The following PAPPA variants were observed in gnomAD, a reference collection of about 807,000 sequenced individuals.
PAPPA encodes the protein pappalysin-1.
In PAPPA, 60 loss-of-function variants were observed where a neutral mutation model predicts 164.0. That is an observed-to-expected ratio of 0.37 (90% CI 0.30 to 0.45). The LOEUF is 0.45. PAPPA is among the 20% of genes least tolerant of loss of function. The pLI is 1.00. For missense variants in PAPPA, 1,782 were observed against 2,087.3 expected, an observed-to-expected ratio of 0.85 and a Z score of 2.85; for synonymous variants, 875 against 814.1, an observed-to-expected ratio of 1.07 and a Z score of -1.27.
intron 4 of PAPPA, among the ~76,000 whole-genome samples, chr9:116,214,826 G>C (rs143651140): frequency 3.2e-4 from 48 of 152,216 alleles, no homozygotes; most frequent in Middle Eastern, 3.4e-3. Context: ...ATCTTTCTGT[G>C]TGTCATGGCT....
chr9:116,313,608 A>T (rs532644984), intron 10 of PAPPA, among the ~76,000 whole-genome samples: 1 of 152,130 alleles, frequency 6.6e-6, no homozygotes, highest in Admixed American at 6.5e-5. Flanking sequence ...TTTCAGAGAG[A>T]GCAAAATTGT....
At chr9:116,183,081 T>C (rs895331928) in intron 1 of PAPPA, among the ~76,000 whole-genome samples, 2 of 152,214 alleles carry the variant, frequency 1.3e-5, no homozygotes, top group African/African-American at 2.4e-5. Context: ...CCCACACAGA[T>C]GGTGCTGACT....
chr9:116,301,103 A>T (rs1241046643), intron 9 of PAPPA, among the ~76,000 whole-genome samples: 1 of 151,632 alleles, frequency 6.6e-6, no homozygotes, highest in Non-Finnish European at 1.5e-5. Context: ...CCAGAGCTCC[A>T]CTCTATTATT....
intron 5 of PAPPA, among the ~76,000 whole-genome samples, chr9:116,220,689 C>A (rs572455019): frequency 6.6e-6 from 1 of 151,704 alleles, no homozygotes; most frequent in African/African-American, 2.4e-5. Context: ...GAGTTCGAGA[C>A]CAGCCTGACC....
chr9:116,341,580 C>T lies in PAPPA; in HGVS notation c.3612-2963C>T, dbSNP rs547595745. On this transcript the variant is annotated intron_variant, in intron 13 of 21. Coordinates refer to ENST00000328252, the MANE Select transcript of PAPPA (RefSeq NM_002581.5). ...TCACTATAATTTCACCTTGGTTTAACGGCCTAACTGCATGCATCATTATCT... is the reference window on the plus strand; with the variant it reads ...TCACTATAATTTCACCTTGGTTTAATGGCCTAACTGCATGCATCATTATCT... Among the ~76,000 whole-genome samples, 6 of 152,258 alleles carry T rather than the reference C, an allele frequency of 3.9e-5. No homozygotes were observed. In the South Asian group the frequency reaches 6.2e-4, roughly 16 times the overall value.
In PAPPA at chr9:116,400,778, A is replaced by AAAT. The variant is rs564162666; in HGVS notation, c.*4163_*4165dup. ...CTACCAATCACTTGCTTTTTAAAAG[A>AAAT]AATGTATAATAGCCAAAAGAGAAAT... On this transcript the variant is annotated 3_prime_UTR_variant, in exon 22 of 22. Transcript: ENST00000328252. 107 of 152,644 alleles carry AAAT rather than the reference A, an allele frequency of 7.0e-4. No individual in the cohort carries two copies. The highest frequency in any genetic ancestry group is 2.5e-3 in the African/African-American group (106 of 41,580). 9.5% of individuals were successfully genotyped at this position (152,644 alleles called of 1,614,324 possible). A position where few individuals can be genotyped will look rare whatever the true frequency, so the allele number is the denominator to read the frequency against.
chr9:116,193,030 G>GA (rs1844061874), intron 2 of PAPPA, among the ~76,000 whole-genome samples: 1 of 151,824 alleles, frequency 6.6e-6, no homozygotes, highest in Non-Finnish European at 1.5e-5. Flanking sequence ...GGGATGGGTG[G>GA]AAAAAAAGAC....
chr9:116,156,794 C>T (rs1173296235), intron 1 of PAPPA, among the ~76,000 whole-genome samples: 1 of 152,150 alleles, frequency 6.6e-6, no homozygotes, highest in African/African-American at 2.4e-5. Context: ...ACCTGCTTCT[C>T]CTTGAATTAA....
intron 21 of PAPPA, among the ~76,000 whole-genome samples, chr9:116,384,715 T>G (rs1796117437): frequency 6.6e-6 from 1 of 152,168 alleles, no homozygotes; most frequent in Non-Finnish European, 1.5e-5. Flanking sequence ...AAGGGAGGGA[T>G]GTAAGCATAT....
chr9:116,234,750 C>T (rs1378973405), intron 6 of PAPPA, among the ~76,000 whole-genome samples: 1 of 152,186 alleles, frequency 6.6e-6, no homozygotes, highest in South Asian at 2.1e-4. Flanking sequence ...TTAGTTTTAT[C>T]ACCTCCTAAA....
chr9:116,323,553 AAG>A (rs137903021), intron 10 of PAPPA, among the ~76,000 whole-genome samples: 4 of 151,610 alleles, frequency 2.6e-5, no homozygotes, highest in Non-Finnish European at 5.9e-5. Context: ...AAAAGAAAGA[AAG>A]AGAGAGAGAG....
chr9:116,305,956 T>G (rs766387440), intron 10 of PAPPA, among the ~76,000 whole-genome samples: 1 of 152,170 alleles, frequency 6.6e-6, no homozygotes, highest in Non-Finnish European at 1.5e-5. Context: ...ACCTTCAAAT[T>G]CAGGCTGTTC....
At chr9:116,215,415 A>G (rs528003449) in intron 4 of PAPPA, among the ~76,000 whole-genome samples, 3 of 152,246 alleles carry the variant, frequency 2.0e-5, no homozygotes, top group Non-Finnish European at 4.4e-5. Context: ...GCATCCACAA[A>G]AAAGAATGAG....
chr9:116,263,189 G>A (rs113094643), intron 7 of PAPPA, among the ~76,000 whole-genome samples: 3 of 152,280 alleles, frequency 2.0e-5, no homozygotes, highest in African/African-American at 7.2e-5. Context: ...AGGTTATTAA[G>A]GTTTCTGTAC....
intron 21 of PAPPA, among the ~76,000 whole-genome samples, chr9:116,395,938 C>CACTT (rs773174274): frequency 6.6e-6 from 1 of 152,148 alleles, no homozygotes; most frequent in Non-Finnish European, 1.5e-5. Context: ...TTCACTTGAT[C>CACTT]ACTTATACAT....
At chr9:116,335,158 G>T (rs1846045800) in intron 13 of PAPPA, 84 bp downstream of exon 13, 11 of 1,152,262 alleles carry the variant, frequency 9.5e-6, no homozygotes, top group Non-Finnish European at 1.4e-5. Flanking sequence ...AGCCATTTGT[G>T]TGGATGTAAA....
At chr9:116,352,102 G>A (rs1334610218) in intron 15 of PAPPA, among the ~76,000 whole-genome samples, 1 of 152,234 alleles carries the variant, frequency 6.6e-6, no homozygotes, top group Non-Finnish European at 1.5e-5. Flanking sequence ...GGCTACGGGG[G>A]AAGTGCTGCT....
rs749743980 is a variant in PAPPA at position 116,302,833 on chromosome 9, C to T, written c.3030C>T (p.Asp1010=). 1.2e-6 allele frequency: 2 copies of T among 1,614,038 alleles called. No individual in the cohort carries two copies. Among genetic ancestry groups the T allele is most frequent in the South Asian group, 2.2e-5 (2 of 91,080 alleles). Residue 1010 remains aspartate (D), a synonymous_variant, in exon 10 of 22, where the codon GAC becomes GAT. Coordinates refer to ENST00000328252, the MANE Select transcript of PAPPA (RefSeq NM_002581.5). ...EEFEQKTSIK[D]CGVYTPQGFL... is the part of the protein sequence containing the mutation. ...TTGAACAAAAAACCAGCATTAAGGA[C>T]TGTGGTGTCTACACGCCCCAGGGAT...
intron 10 of PAPPA, among the ~76,000 whole-genome samples, chr9:116,324,337 C>T (rs978467795): frequency 6.6e-6 from 1 of 152,182 alleles, no homozygotes; most frequent in South Asian, 2.1e-4. Context: ...CTCACAGAGT[C>T]ATGGTGAGCA....
Sources: allele counts gnomAD v4.1 joint callset (sites outside exome capture counted in the v4.1 genomes callset), GRCh38; gene constraint gnomAD v4.1.1; transcripts MANE v1.5; gene names NCBI Gene and HGNC (gene_info 2026-07-23, HGNC 2026-07-21).